Variants in APP observed in about 807,000 individuals in gnomAD.
APP encodes amyloid-beta precursor protein.
A neutral mutation model predicts 101.4 loss-of-function variants in APP; 31 were observed. The ratio of observed to expected loss-of-function variants is 0.31; its 90% CI spans 0.23 to 0.41. The LOEUF (loss-of-function observed/expected upper bound fraction) is 0.41. APP is among the 10% of genes least tolerant of loss of function. APP has a pLI of 1.00. For synonymous variants in APP, 366 were observed against 364.4 expected (o/e 1.00, Z -0.05); for missense variants, 839 against 1,003.7 (o/e 0.84, Z 2.22).
Position 26,112,087 on chromosome 21 carries a change from G to C in APP, c.117C>G (p.Gly39=). The part of the protein sequence containing the change: ...LAEPQIAMFC[G]RLNMHMNVQN... ...GGACATTCATGTGCATGTTCAGTCT[G>C]CCACAGAACATGGCAATCTGGGGTT... Residue 39 remains glycine (G), a synonymous_variant, in exon 2 of 18, where the codon GGC becomes GGG. Coordinates refer to ENST00000346798, the MANE Select transcript of APP (RefSeq NM_000484.4). 1 of 1,614,088 alleles carries C rather than the reference G, an allele frequency of 6.2e-7. No individual in the cohort carries two copies. Among genetic ancestry groups the C allele is most frequent in the South Asian group, 1.1e-5 (1 of 91,084 alleles).
intron 1 of APP, among the ~76,000 whole-genome samples, chr21:26,122,073 A>G (rs1050330628): frequency 1.3e-5 from 2 of 152,202 alleles, no homozygotes; most frequent in Non-Finnish European, 2.9e-5. Flanking sequence ...ATATACTTGG[A>G]CAAGGGGAAA....
chr21:26,088,265 A>G lies in APP; in HGVS notation c.355+1678T>C, dbSNP rs543123569. On this transcript the variant is annotated intron_variant, in intron 3 of 17. Coordinates refer to ENST00000346798, the MANE Select transcript of APP (RefSeq NM_000484.4). ...AACAACTGGCACTAGGTAGTAAATA[A>G]CAATCTTAATGTGGATTTCATCTTT... is the stretch of plus-strand genomic sequence containing the variant. Among the ~76,000 whole-genome samples the G allele has an allele frequency of 6.6e-5, 10 of 152,364 alleles. No individual in the cohort carries two copies. In the East Asian group the frequency reaches 1.9e-3, roughly 29 times the overall value.
chr21:26,144,383 C>A (rs577648559), intron 1 of APP, among the ~76,000 whole-genome samples: 1 of 152,242 alleles, frequency 6.6e-6, no homozygotes, highest in East Asian at 1.9e-4. Context: ...CAAGTTAGTA[C>A]CTGGTTTCAT....
At chr21:25,938,909 G>A (rs1485510039) in intron 13 of APP, among the ~76,000 whole-genome samples, 1 of 152,108 alleles carries the variant, frequency 6.6e-6, no homozygotes, top group African/African-American at 2.4e-5. Flanking sequence ...ACATTAACAA[G>A]GCCTTAGACG....
At chr21:26,117,768 C>T (rs2062469739) in intron 1 of APP, among the ~76,000 whole-genome samples, 1 of 152,178 alleles carries the variant, frequency 6.6e-6, no homozygotes, top group South Asian at 2.1e-4. Flanking sequence ...CAAGTGGTTT[C>T]TATTTACCCT....
intron 6 of APP, chr21:26,009,494 A>T (rs984508231): frequency 5.3e-5 from 8 of 152,330 alleles, no homozygotes; most frequent in Admixed American, 5.2e-4. Flanking sequence ...ATATCCCAGA[A>T]CATCAGAAAT....
At chr21:26,063,452 G>C (rs560775062) in intron 3 of APP, among the ~76,000 whole-genome samples, 3 of 152,032 alleles carry the variant, frequency 2.0e-5, no homozygotes, top group Admixed American at 2.0e-4. Context: ...AAAGGAACAA[G>C]GGCTCCTTGG....
At chr21:26,122,978 G>A (rs1315252488) in intron 1 of APP, among the ~76,000 whole-genome samples, 1 of 151,962 alleles carries the variant, frequency 6.6e-6, no homozygotes, top group African/African-American at 2.4e-5. Flanking sequence ...ATAGTAAGAG[G>A]CCACCTGCAA....
intron 3 of APP, among the ~76,000 whole-genome samples, chr21:26,063,732 G>T (rs2046358152): frequency 6.6e-6 from 1 of 152,188 alleles, no homozygotes; most frequent in Non-Finnish European, 1.5e-5. Flanking sequence ...CTGCGCAGAA[G>T]AATTCCAAAT....
intron 9 of APP, among the ~76,000 whole-genome samples, chr21:25,978,856 G>A (rs953711894): frequency 1.3e-5 from 2 of 152,208 alleles, no homozygotes; most frequent in African/African-American, 4.8e-5. Context: ...GGAGGCTGAG[G>A]CAGGAGAATC....
intron 1 of APP, among the ~76,000 whole-genome samples, chr21:26,125,838 T>A (rs2062671994): frequency 6.6e-6 from 1 of 152,204 alleles, no homozygotes; most frequent in Non-Finnish European, 1.5e-5. Context: ...TTATTTTAAT[T>A]TTCAAAACTA....
At chr21:26,040,489 C>T (rs924637652) in intron 5 of APP, among the ~76,000 whole-genome samples, 8 of 151,800 alleles carry the variant, frequency 5.3e-5, no homozygotes, top group South Asian at 2.1e-4. Flanking sequence ...GTAATCCCAG[C>T]GACTCGGGAG....
At chr21:26,057,835 T>G (rs1313751555) in intron 3 of APP, among the ~76,000 whole-genome samples, 7 of 152,230 alleles carry the variant, frequency 4.6e-5, no homozygotes, top group Admixed American at 4.6e-4. Flanking sequence ...GCCCATTTCC[T>G]TTGGCTTTTA....
intron 2 of APP, among the ~76,000 whole-genome samples, chr21:26,098,384 T>C (rs2061992605): frequency 6.6e-6 from 1 of 151,962 alleles, no homozygotes; most frequent in South Asian, 2.1e-4. Flanking sequence ...TTTAAGTTGC[T>C]AAATACGTAA....
chr21:25,914,693 A>T (rs2039264652), intron 13 of APP, among the ~76,000 whole-genome samples: 1 of 151,792 alleles, frequency 6.6e-6, no homozygotes, highest in Non-Finnish European at 1.5e-5. Flanking sequence ...AGCTGGGACT[A>T]CAGGCGCCCG....
chr21:25,914,216 ATT>A (rs2039223758), intron 13 of APP, among the ~76,000 whole-genome samples: 1 of 151,708 alleles, frequency 6.6e-6, no homozygotes. Context: ...CTATTTCTGA[ATT>A]CTCTCAGCCA....
chr21:25,906,889 A>C (rs2038821285), intron 14 of APP, among the ~76,000 whole-genome samples: 1 of 152,184 alleles, frequency 6.6e-6, no homozygotes, highest in South Asian at 2.1e-4. Flanking sequence ...TTATTAGAAA[A>C]TGTATATGCA....
intron 13 of APP, among the ~76,000 whole-genome samples, chr21:25,928,404 C>T (rs1227259085): frequency 2.6e-5 from 4 of 152,056 alleles, no homozygotes; most frequent in African/African-American, 9.7e-5. Flanking sequence ...CAGAAATAAT[C>T]TCTGAAAGAT....
chr21:25,910,028 G>A (rs1456541260), intron 14 of APP, among the ~76,000 whole-genome samples: 1 of 151,890 alleles, frequency 6.6e-6, no homozygotes, highest in Non-Finnish European at 1.5e-5. Flanking sequence ...TTTCTGCAAT[G>A]GTTCTTTAGA....
Sources: gnomAD v4.1 joint callset for allele counts (sites outside exome capture counted in the v4.1 genomes callset) on GRCh38, gnomAD v4.1.1 for gene constraint, MANE v1.5 for transcripts, NCBI Gene and HGNC (gene_info 2026-07-23, HGNC 2026-07-21) for gene names.